CTIF: variants seen among roughly 807,000 people sequenced by gnomAD.
CTIF encodes cap binding complex dependent translation initiation factor.
Under a neutral mutation model 66.0 loss-of-function variants are expected in CTIF, and 21 were observed. The observed-to-expected ratio is 0.32, with a 90% CI of 0.23 to 0.46. CTIF has a LOEUF of 0.46. Ranked by LOEUF, CTIF falls within the 20% of genes least tolerant of loss-of-function variation. CTIF has a pLI of 1.00. For missense variants in CTIF, 739 were observed against 812.7 expected (o/e 0.91, Z 1.10); for synonymous variants, 345 against 326.4 (o/e 1.06, Z -0.62).
intron 9 of CTIF, among the ~76,000 whole-genome samples, chr18:48,798,994 C>A (rs981823061): frequency 6.6e-6 from 1 of 152,104 alleles, no homozygotes; most frequent in Non-Finnish European, 1.5e-5. Flanking sequence ...GCAGATGGAG[C>A]CTCCTCTCGC....
chr18:48,805,170 C>T (rs1440952140), intron 9 of CTIF, among the ~76,000 whole-genome samples: 1 of 152,178 alleles, frequency 6.6e-6, no homozygotes, highest in African/African-American at 2.4e-5. Flanking sequence ...GCCAGCCCTA[C>T]GCTTGGGAAT....
rs566815234 is a variant in CTIF, at chr18:48,699,717, A to G, written c.508-11902A>G. The stretch of plus-strand genomic sequence containing the variant: ...TCTTGAGCTGGGCTGTCGACATGCC[A>G]TTCATGCCCAGTCATCTCATTTAAC... On this transcript the variant is annotated intron_variant, in intron 6 of 11. Transcript: ENST00000256413. Among the ~76,000 whole-genome samples, 5 of 152,308 alleles carry G rather than the reference A, an allele frequency of 3.3e-5. No individual in the cohort carries two copies. In the South Asian group the frequency reaches 8.3e-4, roughly 25 times the overall value.
At chr18:48,553,695 GC>G (rs2088947233) in intron 1 of CTIF, among the ~76,000 whole-genome samples, 1 of 147,890 alleles carries the variant, frequency 6.8e-6, no homozygotes, top group Non-Finnish European at 1.5e-5. Context: ...TCGCTCTGCC[GC>G]CCAGGCTGGA....
At chr18:48,698,887 A>G (rs908443662) in intron 6 of CTIF, among the ~76,000 whole-genome samples, 1 of 152,180 alleles carries the variant, frequency 6.6e-6, no homozygotes, top group Non-Finnish European at 1.5e-5. Context: ...TCTGTGGCCT[A>G]GGTCACTGTG....
At chr18:48,673,275 CTGTTGTGTTGTCTAGAGTG>C (rs2091566546) in intron 6 of CTIF, among the ~76,000 whole-genome samples, 1 of 152,194 alleles carries the variant, frequency 6.6e-6, no homozygotes, top group South Asian at 2.1e-4. Context: ...TCTAGATGTG[CTGTTGTGTTGTCTAGAGTG>C]TACAAGAAAG....
intron 9 of CTIF, among the ~76,000 whole-genome samples, chr18:48,784,858 C>T (rs974015517): frequency 2.6e-5 from 4 of 152,224 alleles, no homozygotes; most frequent in Non-Finnish European, 2.9e-5. Flanking sequence ...CATTCATGCA[C>T]GTGTACATGT....
chr18:48,590,004 G>A (rs987448625), intron 1 of CTIF, among the ~76,000 whole-genome samples: 12 of 152,216 alleles, frequency 7.9e-5, no homozygotes, highest in African/African-American at 2.7e-4. Context: ...ACAGGCGAGT[G>A]CCTCGTGCTG....
Position 48,598,774 on chromosome 18 carries a change from G to A in CTIF, c.-28-20764G>A, listed in dbSNP as rs181794924. 1.1e-3 allele frequency among the ~76,000 whole-genome samples: 173 copies of A among 152,354 alleles called. 1 individual carries two copies. Among genetic ancestry groups the A allele is most frequent in the African/African-American group, 4.0e-3 (167 of 41,580 alleles). On this transcript the variant is annotated intron_variant, in intron 1 of 11. Transcript: ENST00000256413. ...AGGACATCAGCATTTCTTGAATGTA[G>A]TGAAGTATTCAGCATGGGCCAAAAG...
intron 6 of CTIF, among the ~76,000 whole-genome samples, chr18:48,684,000 G>A (rs1210250582): frequency 1.3e-5 from 2 of 152,232 alleles, no homozygotes; most frequent in African/African-American, 4.8e-5. Context: ...CTACCTGTGA[G>A]GTGCTAAAGT....
intron 9 of CTIF, among the ~76,000 whole-genome samples, chr18:48,804,284 GTCTC>G (rs2068100702): frequency 6.6e-6 from 1 of 152,176 alleles, no homozygotes; most frequent in Admixed American, 6.5e-5. Flanking sequence ...CATGGTCCCC[GTCTC>G]CCTCCAGACA....
At chr18:48,812,927 G>A (rs1299284666) in intron 9 of CTIF, among the ~76,000 whole-genome samples, 1 of 151,842 alleles carries the variant, frequency 6.6e-6, no homozygotes, top group African/African-American at 2.4e-5. Flanking sequence ...TTTGTTCTGT[G>A]TATTCTGGTA....
chr18:48,641,033 C>T (rs186128476), intron 3 of CTIF, among the ~76,000 whole-genome samples: 14 of 152,312 alleles, frequency 9.2e-5, no homozygotes, highest in African/African-American at 3.4e-4. Flanking sequence ...TTGGGATTGC[C>T]TGACATCCTG....
chr18:48,767,371 C>T (rs1355477366), intron 9 of CTIF, among the ~76,000 whole-genome samples: 2 of 152,168 alleles, frequency 1.3e-5, no homozygotes, highest in Non-Finnish European at 2.9e-5. Flanking sequence ...TGCCCTGTCA[C>T]TGCCCCGGGA....
intron 7 of CTIF, among the ~76,000 whole-genome samples, chr18:48,734,808 C>T (rs1257484881): frequency 6.6e-6 from 1 of 152,162 alleles, no homozygotes; most frequent in Non-Finnish European, 1.5e-5. Context: ...AAGGGAGGCT[C>T]TGTGAATGCT....
rs572867050 is a variant in CTIF, at chr18:48,698,545, A to G, written c.508-13074A>G. Among the ~76,000 whole-genome samples the G allele has an allele frequency of 5.9e-5, 9 of 152,336 alleles. No individual in the cohort carries two copies. In the South Asian group the frequency reaches 1.7e-3, roughly 28 times the overall value. On this transcript the variant is annotated intron_variant, in intron 6 of 11. Transcript: ENST00000256413. ...CCATTTTTAAATTTACTGGTTTATG[A>G]AATTTGAAATGTTGGGCACCACTAA...
At chr18:48,833,312 G>C (rs1268892579) in intron 10 of CTIF, among the ~76,000 whole-genome samples, 1 of 152,212 alleles carries the variant, frequency 6.6e-6, no homozygotes, top group East Asian at 1.9e-4. Flanking sequence ...CTGGGGAGTG[G>C]AAGTGCCCAC....
chr18:48,680,609 C>A (rs1042059729), intron 6 of CTIF, among the ~76,000 whole-genome samples: 25 of 152,270 alleles, frequency 1.6e-4, no homozygotes, highest in African/African-American at 6.0e-4. Context: ...GGCCACACAG[C>A]CCGCAGCCTT....
intron 10 of CTIF, among the ~76,000 whole-genome samples, chr18:48,820,527 G>GC (rs1240345584): frequency 6.6e-6 from 1 of 152,006 alleles, no homozygotes; most frequent in African/African-American, 2.4e-5. Context: ...ATTTCCAGCT[G>GC]CCCACTACAC....
rs373299394 is a variant in CTIF at position 48,758,221 on chromosome 18, C to T, written c.887C>T (p.Ala296Val). The T allele has an allele frequency of 3.1e-5, 50 of 1,612,248 alleles. No individual in the cohort carries two copies. Among genetic ancestry groups the T allele is most frequent in the Non-Finnish European group, 4.1e-5 (48 of 1,179,048 alleles). ...GACACCGGGCACAGCAGCCTTGAGG[C>T]CCCCCGCAGCCCTGACACCCTGGCC... is the stretch of plus-strand genomic sequence containing the variant. ...AGDTGHSSLE[A>V]PRSPDTLAPV... Residue 296 changes from alanine (A) to valine (V), a missense_variant, in exon 8 of 12, where the codon GCC (alanine) becomes GTC (valine). Physicochemically the swap from Ala to Val is moderately conservative, Grantham distance 64. Coordinates refer to ENST00000256413, the MANE Select transcript of CTIF (RefSeq NM_014772.3).
Sources: gnomAD v4.1 joint callset for allele counts (sites outside exome capture counted in the v4.1 genomes callset) on GRCh38, gnomAD v4.1.1 for gene constraint, MANE v1.5 for transcripts, NCBI Gene and HGNC (gene_info 2026-07-23, HGNC 2026-07-21) for gene names.